WDR72: variants seen among roughly 807,000 people sequenced by gnomAD.
The protein encoded by WDR72 is WD repeat domain 72, also known as WD repeat-containing protein 72.
A neutral mutation model predicts 124.2 loss-of-function variants in WDR72; 120 were observed. The ratio of observed to expected loss-of-function variants is 0.97; its 90% CI spans 0.83 to 1.12. The LOEUF (loss-of-function observed/expected upper bound fraction) is 1.12, where lower values mean the gene tolerates loss of function less well. Among genes scored for constraint, WDR72 ranks in the 50% most tolerant of loss-of-function variants. WDR72 has a pLI of 0.00. For synonymous variants in WDR72, 452 were observed against 441.7 expected, an observed-to-expected ratio of 1.02 and a Z score of -0.29; for missense variants, 1,387 against 1,278.8, an observed-to-expected ratio of 1.08 and a Z score of -1.29.
At chr15:53,627,475 A>C (rs1479485903) in intron 14 of WDR72, among the ~76,000 whole-genome samples, 1 of 152,226 alleles carries the variant, frequency 6.6e-6, no homozygotes, top group Non-Finnish European at 1.5e-5. Context: ...TTAAAGATGC[A>C]GGATTACACT....
intron 3 of WDR72, among the ~76,000 whole-genome samples, chr15:53,721,845 C>A (rs975145309): frequency 6.6e-6 from 1 of 151,944 alleles, no homozygotes; most frequent in Non-Finnish European, 1.5e-5. Flanking sequence ...TCATCAGGAG[C>A]CTAGTTCATA....
intron 14 of WDR72, among the ~76,000 whole-genome samples, chr15:53,641,287 T>G (rs117098504): frequency 0.018 from 2,796 of 152,116 alleles, 35 homozygotes; most frequent in Non-Finnish European, 0.025. Context: ...GACCATCTTT[T>G]TTTTCCCCAT....
At chr15:53,652,470 C>T (rs2015275710) in intron 14 of WDR72, among the ~76,000 whole-genome samples, 1 of 152,248 alleles carries the variant, frequency 6.6e-6, no homozygotes, top group Admixed American at 6.5e-5. Flanking sequence ...TTGGGGGATA[C>T]AGAATTGTAC....
chr15:53,653,734 G>A (rs1385681585), intron 14 of WDR72, among the ~76,000 whole-genome samples: 1 of 152,072 alleles, frequency 6.6e-6, no homozygotes, highest in African/African-American at 2.4e-5. Context: ...ACAGTTATGT[G>A]AGTTCAATAG....
intron 13 of WDR72, among the ~76,000 whole-genome samples, chr15:53,679,483 G>C (rs951485755): frequency 6.6e-6 from 1 of 152,156 alleles, no homozygotes; most frequent in Non-Finnish European, 1.5e-5. Flanking sequence ...GGCAGTCTGA[G>C]AAAGAGGGAC....
At chr15:53,559,980 C>G (rs1206560396) in intron 18 of WDR72, among the ~76,000 whole-genome samples, 5 of 151,960 alleles carry the variant, frequency 3.3e-5, no homozygotes, top group Non-Finnish European at 7.4e-5. Context: ...CAGTTAGTCA[C>G]AAGCATTACA....
intron 13 of WDR72, among the ~76,000 whole-genome samples, chr15:53,669,900 T>C (rs1227196799): frequency 1.3e-5 from 2 of 152,220 alleles, no homozygotes; most frequent in Non-Finnish European, 2.9e-5. Context: ...GTACTTTTGC[T>C]TTCCAAAGTA....
chr15:53,699,220 A>C (rs1030153892), intron 13 of WDR72, among the ~76,000 whole-genome samples: 3 of 152,176 alleles, frequency 2.0e-5, no homozygotes, highest in Admixed American at 6.5e-5. Context: ...TTAGTTATTT[A>C]GTAATTGTTT....
Position 53,535,467 on chromosome 15 carries a change from C to T in WDR72, c.3149-12145G>A, listed in dbSNP as rs577733479. On this transcript the variant is annotated intron_variant, in intron 18 of 19. Coordinates refer to ENST00000360509, the MANE Select transcript of WDR72 (RefSeq NM_182758.4). The stretch of plus-strand genomic sequence containing the variant: ...GCAAAAACAAATAGGGAGAGAGATT[C>T]GGCTTAAAATTTTTTGCCAGATTAT... Among the ~76,000 whole-genome samples, 86 of 152,224 alleles carry T rather than the reference C, an allele frequency of 5.6e-4. 1 individual carries two copies. In the South Asian group the frequency reaches 0.016, roughly 29 times the overall value.
intron 14 of WDR72, among the ~76,000 whole-genome samples, chr15:53,629,608 A>C (rs2014344962): frequency 6.6e-6 from 1 of 152,230 alleles, no homozygotes; most frequent in African/African-American, 2.4e-5. Context: ...AGGTCCACTG[A>C]AAATATGCTC....
chr15:53,526,782 T>C (rs1299050081), intron 18 of WDR72, among the ~76,000 whole-genome samples: 1 of 152,104 alleles, frequency 6.6e-6, no homozygotes, highest in South Asian at 2.1e-4. Context: ...ATAATGCAAA[T>C]GGTTGCTAGA....
chr15:53,604,589 A>C (rs576776696), intron 17 of WDR72, among the ~76,000 whole-genome samples: 2 of 150,622 alleles, frequency 1.3e-5, no homozygotes, highest in South Asian at 2.1e-4. Context: ...GCATCTTACG[A>C]AAGTCTAACA....
chr15:53,701,559 T>TCACACACACACA (rs58047374), intron 12 of WDR72, among the ~76,000 whole-genome samples: 4 of 120,166 alleles, frequency 3.3e-5, no homozygotes, highest in African/African-American at 1.2e-4. Flanking sequence ...TCTCTCTCTC[T>TCACACACACACA]CACACACACA....
In WDR72 at chr15:53,606,651, T is replaced by C. The variant is rs1034154534; in HGVS notation, c.2952+2862A>G. Among the ~76,000 whole-genome samples, 23 of 152,160 alleles carry C rather than the reference T, an allele frequency of 1.5e-4. 1 individual carries two copies. Among genetic ancestry groups the C allele is most frequent in the Non-Finnish European group, 4.4e-5 (3 of 68,034 alleles). ...GGGGTTGGGTAGAATGTGGCAGCAA[T>C]ATTAGTTGGAGTTATAAGAGAAGAC... On this transcript the variant is annotated intron_variant, in intron 17 of 19. Coordinates refer to ENST00000360509, the MANE Select transcript of WDR72 (RefSeq NM_182758.4).
At chr15:53,649,389 A>AT (rs1156817893) in intron 14 of WDR72, among the ~76,000 whole-genome samples, 4 of 152,248 alleles carry the variant, frequency 2.6e-5, no homozygotes, top group South Asian at 2.1e-4. Flanking sequence ...TATGCAAAAT[A>AT]TTTTTTCTGG....
chr15:53,573,696 C>T (rs948396400), intron 18 of WDR72, among the ~76,000 whole-genome samples: 4 of 152,118 alleles, frequency 2.6e-5, no homozygotes, highest in African/African-American at 7.2e-5. Context: ...TAGGCGTGCA[C>T]CACCACACCT....
intron 14 of WDR72, among the ~76,000 whole-genome samples, chr15:53,620,065 T>A (rs28521696): frequency 6.6e-6 from 1 of 152,064 alleles, no homozygotes; most frequent in Non-Finnish European, 1.5e-5. Context: ...TTTGGCAACA[T>A]GTATCAATAA....
At chr15:53,621,225 C>T (rs1285180465) in intron 14 of WDR72, among the ~76,000 whole-genome samples, 10 of 151,908 alleles carry the variant, frequency 6.6e-5, no homozygotes, top group South Asian at 6.2e-4. Context: ...CTGTGGAAAA[C>T]GGTGTGGAGA....
chr15:53,690,257 T>C (rs2016795707), intron 13 of WDR72, among the ~76,000 whole-genome samples: 1 of 152,196 alleles, frequency 6.6e-6, no homozygotes, highest in Middle Eastern at 3.2e-3. Context: ...CCTTTAGACT[T>C]ACTGTATGTT....
Sources: gnomAD v4.1 joint callset for allele counts (sites outside exome capture counted in the v4.1 genomes callset) on GRCh38, gnomAD v4.1.1 for gene constraint, MANE v1.5 for transcripts, NCBI Gene and HGNC (gene_info 2026-07-23, HGNC 2026-07-21) for gene names.